Variants in SCNN1D observed in about 807,000 individuals in gnomAD.
SCNN1D encodes sodium channel epithelial 1 subunit delta, also known as epithelial sodium channel subunit delta.
In SCNN1D, 104 loss-of-function variants were observed where a neutral mutation model predicts 87.8. That is an observed-to-expected ratio of 1.18 (90% CI 1.01 to 1.39). The LOEUF is 1.39. Among genes scored for constraint, SCNN1D ranks in the 40% most tolerant of loss-of-function variants. The pLI is 0.00. For synonymous variants in SCNN1D, 628 were observed against 481.2 expected (o/e 1.31, Z -3.99); for missense variants, 1,324 against 1,093.9 (o/e 1.21, Z -2.97).
At chr1:1,288,160 C>G (rs138379055) in intron 12 of SCNN1D, 123 bp downstream of exon 12, 2 of 698,026 alleles carry the variant, frequency 2.9e-6, no homozygotes, top group South Asian at 3.8e-5. Flanking sequence ...GGGCAGTCCC[C>G]GTGGAGGCCC....
rs750510660 is a variant in SCNN1D, at chr1:1,286,750, C to T, written c.912-18C>T. 3.7e-6 allele frequency: 6 copies of T among 1,610,264 alleles called. No individual in the cohort carries two copies. The highest frequency in any genetic ancestry group is 5.1e-6 in the Non-Finnish European group (6 of 1,178,570). On this transcript the variant is annotated intron_variant, in intron 7 of 17. Coordinates refer to ENST00000379116, the MANE Select transcript of SCNN1D (RefSeq NM_001130413.4). Reference sequence around the variant, plus strand: ...GGCCCCGGGCCGGCAACTCTGACTCCAGGGCCCTGCGTCCCAGGCCGAGTC... The same window carrying T: ...GGCCCCGGGCCGGCAACTCTGACTCTAGGGCCCTGCGTCCCAGGCCGAGTC...
rs925057491 is a variant in SCNN1D at position 1,281,153 on chromosome 1, G to A, written c.6-73G>A. 8 of 1,401,914 alleles carry A rather than the reference G, an allele frequency of 5.7e-6. No homozygotes were observed. In the African/African-American group the frequency reaches 8.8e-5, roughly 15 times the overall value. The allele number at this position is 1,401,914 out of a possible 1,614,324, so 86.8% of individuals were successfully genotyped here. A position where few individuals can be genotyped will look rare whatever the true frequency, so the allele number is the denominator to read the frequency against. On this transcript the variant is annotated intron_variant, in intron 1 of 17. Transcript: ENST00000379116. ...CCTGAGTGGGGGACGCTCACCCCAGGGGAGGAAACGGGGCTCTGGGATAGG... is the reference window on the plus strand; with the variant it reads ...CCTGAGTGGGGGACGCTCACCCCAGAGGAGGAAACGGGGCTCTGGGATAGG...
chr1:1,281,360 C>A (rs1391184869), intron 2 of SCNN1D, 51 bp from the exon 3 acceptor site: 4 of 1,533,224 alleles, frequency 2.6e-6, no homozygotes, highest in Non-Finnish European at 3.5e-6. Flanking sequence ...AGAGCAGAGG[C>A]ATGGGCCCAA....
At position 1,281,136 on chromosome 1, in the gene SCNN1D, G is replaced by C. The variant is rs559966693; in HGVS notation, c.6-90G>C. On this transcript the variant is annotated intron_variant, in intron 1 of 17. Coordinates refer to ENST00000379116, the MANE Select transcript of SCNN1D (RefSeq NM_001130413.4). ...GGCTGACTCAGAGTGACCCTGAGTG[G>C]GGGACGCTCACCCCAGGGGAGGAAA... 1.1e-4 allele frequency: 131 copies of C among 1,230,894 alleles called. 1 individual carries two copies. The African/African-American group carries it at 1.9e-3, about 17-fold the overall frequency. 76.2% of individuals were successfully genotyped at this position (1,230,894 alleles called of 1,614,324 possible).
rs1254879996 is a variant in SCNN1D at position 1,290,962 on chromosome 1, A to G, written c.1976+9A>G. The G allele has an allele frequency of 2.9e-5, 46 of 1,602,886 alleles. No homozygotes were observed. The highest frequency in any genetic ancestry group is 3.7e-5 in the Non-Finnish European group (44 of 1,175,240). On this transcript the variant is annotated intron_variant, in intron 16 of 17. Coordinates refer to ENST00000379116, the MANE Select transcript of SCNN1D (RefSeq NM_001130413.4). ...CAGAGCCACAGACAGAGGTGGGTGCACCCTCCCCCTCCAGAGAGGCATCAC... is the reference window on the plus strand; with the variant it reads ...CAGAGCCACAGACAGAGGTGGGTGCGCCCTCCCCCTCCAGAGAGGCATCAC...
At position 1,286,139 on chromosome 1, in the gene SCNN1D, G is replaced by T; in HGVS notation, c.772G>T (p.Gly258Ter). 1 of 1,610,232 alleles carries T rather than the reference G, an allele frequency of 6.2e-7. No individual in the cohort carries two copies. The highest frequency in any genetic ancestry group is 1.1e-5 in the South Asian group (1 of 90,714). ...KTTSWGLLSL[G>*]ALVALCWQLG... ...GACGTCCTGGGGGCTGCTGTCCCTG[G>T]GAGCCCTGGTCGCGCTCTGCTGGCA... Residue 258 changes from glycine to a stop codon, truncating the protein, a stop_gained, in exon 7 of 18, where the codon GGA (glycine) becomes TGA (stop). Coordinates refer to ENST00000379116, the MANE Select transcript of SCNN1D (RefSeq NM_001130413.4). LOFTEE classifies it high-confidence loss of function.
At chr1:1,288,219 T>TCCCGTGTCCCCGCTCCATTC (rs1640656875) in intron 12 of SCNN1D, among the ~76,000 whole-genome samples, 182 bp downstream of exon 12, 1 of 137,928 alleles carries the variant, frequency 7.3e-6, no homozygotes, top group Admixed American at 7.2e-5. Context: ...CTCTGCTCCG[T>TCCCGTGTCCCCGCTCCATTC]CCCGTGTCTC....
chr1:1,290,464 A>G lies in SCNN1D; in HGVS notation c.1781-13A>G, dbSNP rs1640765634. 4.3e-6 allele frequency: 7 copies of G among 1,611,610 alleles called. No individual in the cohort carries two copies. Among genetic ancestry groups the G allele is most frequent in the South Asian group, 1.1e-5 (1 of 91,040 alleles). On this transcript the variant is annotated splice_polypyrimidine_tract_variant and intron_variant, in intron 13 of 17. Transcript: ENST00000379116. ...ACAGCGAGCCTCACACATGCCTCTG[A>G]CCCCTCCCCAAGGACACTGCTTCTA...
In SCNN1D at chr1:1,280,874, C is replaced by T. The variant is rs1465952487; in HGVS notation, c.5+208C>T. On this transcript the variant is annotated intron_variant, in intron 1 of 17. Coordinates refer to ENST00000379116, the MANE Select transcript of SCNN1D (RefSeq NM_001130413.4). ...AGACCCCAAGCTCCACACTCCCACC[C>T]TCAGCACCCACCCAGGCCAGCAGCC... 5.1e-6 allele frequency: 3 copies of T among 589,612 alleles called. No homozygotes were observed. In the East Asian group the frequency reaches 8.3e-5, roughly 16 times the overall value. 36.5% of individuals were successfully genotyped at this position (589,612 alleles called of 1,614,324 possible). A position where few individuals can be genotyped will look rare whatever the true frequency, so the allele number is the denominator to read the frequency against.
rs772503949 is a variant in SCNN1D, at chr1:1,290,543, C to T, written c.1847C>T (p.Pro616Leu). ...CGGCTCCCCTGTACCTCCCGCTGCCCCAGGCCCTGCAGGTGAGACGGGGGT... is the reference window on the plus strand; with the variant it reads ...CGGCTCCCCTGTACCTCCCGCTGCCTCAGGCCCTGCAGGTGAGACGGGGGT... ...THRLPCTSRC[P>L]RPCRESAFKL... The change falls in exon 14 of 18, where the codon CCC becomes CTC. Residue 616 changes from proline to leucine, a missense_variant. Coordinates refer to ENST00000379116, the MANE Select transcript of SCNN1D (RefSeq NM_001130413.4). The T allele has an allele frequency of 6.2e-7, 1 of 1,612,720 alleles. No individual in the cohort carries two copies. Among genetic ancestry groups the T allele is most frequent in the Non-Finnish European group, 8.5e-7 (1 of 1,179,924 alleles).
chr1:1,291,886 T>G lies in SCNN1D; in HGVS notation c.*276T>G, dbSNP rs1007800569. ...CGCGGTGATGTACCCATGCTCCGTG[T>G]GTCTGTGTCTGCATGTCCACACGTC... On this transcript the variant is annotated 3_prime_UTR_variant, in exon 18 of 18. Transcript: ENST00000379116. The G allele has an allele frequency of 2.8e-5, 10 of 354,854 alleles. No individual in the cohort carries two copies. Among genetic ancestry groups the G allele is most frequent in the Non-Finnish European group, 4.6e-5 (9 of 195,444 alleles). The allele number at this position is 354,854 out of a possible 1,614,324, so 22.0% of individuals were successfully genotyped here. A position where few individuals can be genotyped will look rare whatever the true frequency, so the allele number is the denominator to read the frequency against.
At position 1,286,275 on chromosome 1, in the gene SCNN1D, G is replaced by A. The variant is rs760176416; in HGVS notation, c.908G>A (p.Arg303His). 1.8e-5 allele frequency: 28 copies of A among 1,577,348 alleles called. No individual in the cohort carries two copies. In the African/African-American group the frequency reaches 2.1e-4, roughly 12 times the overall value. ...GTCACCCTGTGTGACGGGAACCCAC[G>A]TCGGTGAGGGCCAGGGCTGTCGGCG... ...PLVTLCDGNP[R>H]RPSPVLRHLE... Residue 303 changes from arginine to histidine, a missense_variant, in exon 7 of 18, where the codon CGT (arginine) becomes CAT (histidine). Physicochemically the swap from Arg to His is conservative, Grantham distance 29. Transcript: ENST00000379116.
Position 1,291,583 on chromosome 1 carries a change from C to G in SCNN1D, c.2382C>G (p.Pro794=). The G allele has an allele frequency of 6.4e-7, 1 of 1,558,346 alleles. No individual in the cohort carries two copies. Among genetic ancestry groups the G allele is most frequent in the Non-Finnish European group, 8.7e-7 (1 of 1,149,426 alleles). Residue 794 remains proline, a synonymous_variant, in exon 18 of 18, where the codon CCC becomes CCG. Coordinates refer to ENST00000379116, the MANE Select transcript of SCNN1D (RefSeq NM_001130413.4). Reference sequence around the variant, plus strand: ...CAGCCGAAGAGAGCTGGGCTGGGCCCCAGCCCCTTGAGACTCTGGACACCT... The same window carrying G: ...CAGCCGAAGAGAGCTGGGCTGGGCCGCAGCCCCTTGAGACTCTGGACACCT... ...GVSAEESWAG[P]QPLETLDT is the part of the protein sequence containing the mutation.
chr1:1,286,331 T>A, intron 7 of SCNN1D, 53 bp downstream of exon 7: 1 of 1,390,950 alleles, frequency 7.2e-7, no homozygotes, highest in African/African-American at 1.4e-5. Flanking sequence ...TCCTTGCCCC[T>A]GTGACCGTCT....
chr1:1,283,041 C>T (rs1400911941), intron 4 of SCNN1D, among the ~76,000 whole-genome samples: 4 of 152,106 alleles, frequency 2.6e-5, no homozygotes, highest in East Asian at 1.9e-4. Context: ...CGTGAGCCAC[C>T]GCGCCTGGTG....
intron 5 of SCNN1D, among the ~76,000 whole-genome samples, chr1:1,284,826 G>A (rs75320626): frequency 0.012 from 1,820 of 152,232 alleles, 21 homozygotes; most frequent in Non-Finnish European, 0.019. Context: ...GCAGGGTGGG[G>A]TCCGGCTCCT....
rs780353096 is a variant in SCNN1D at position 1,286,094 on chromosome 1, C to G, written c.727C>G (p.Arg243Gly). Residue 243 changes from arginine to glycine, a missense_variant, in exon 7 of 18, where the codon CGC becomes GGC. Coordinates refer to ENST00000379116, the MANE Select transcript of SCNN1D (RefSeq NM_001130413.4). ...CGGCGCCATCCGCCTGGTCTGCTCC[C>G]GCGGGAACCGCCTCAAGACGACGTC... Reference protein sequence around the residue: ...IHGAIRLVCSRGNRLKTTSWG... With the variant: ...IHGAIRLVCSGGNRLKTTSWG... 6.2e-7 allele frequency: 1 copy of G among 1,608,758 alleles called. No homozygotes were observed. Among genetic ancestry groups the G allele is most frequent in the Non-Finnish European group, 8.5e-7 (1 of 1,178,444 alleles).
At chr1:1,280,959 T>C (rs1640458121) in intron 1 of SCNN1D, 1 of 589,674 alleles carries the variant, frequency 1.7e-6, no homozygotes, top group Non-Finnish European at 3.0e-6. Flanking sequence ...GACAGTGCAG[T>C]TGATGCCCGG....
intron 15 of SCNN1D, 25 bp downstream of exon 15, chr1:1,290,719 G>A: frequency 1.2e-6 from 2 of 1,611,992 alleles, no homozygotes; most frequent in African/African-American, 2.7e-5. Context: ...TGGTGGGGTG[G>A]GGGTGTGGAC....
Sources: gnomAD v4.1 joint callset for allele counts (sites outside exome capture counted in the v4.1 genomes callset) on GRCh38, gnomAD v4.1.1 for gene constraint, MANE v1.5 for transcripts, NCBI Gene and HGNC (gene_info 2026-07-23, HGNC 2026-07-21) for gene names.